The following WDFY4 variants were observed in gnomAD, a reference collection of about 807,000 sequenced individuals.
WDFY4 encodes the protein WD repeat- and FYVE domain-containing protein 4.
Under a neutral mutation model 351.9 loss-of-function variants are expected in WDFY4, and 169 were observed. The ratio of observed to expected loss-of-function variants is 0.48; its 90% CI spans 0.42 to 0.55. The LOEUF (loss-of-function observed/expected upper bound fraction) is 0.55, where lower values mean the gene tolerates loss of function less well. Among genes scored for constraint, WDFY4 ranks in the 20% least tolerant of loss-of-function variants. The pLI, the probability that WDFY4 is intolerant of heterozygous loss-of-function variation, is 0.00. For missense variants in WDFY4, 3,803 were observed against 3,935.6 expected (o/e 0.97, Z 0.90); for synonymous variants, 1,622 against 1,574.6 (o/e 1.03, Z -0.71).
At chr10:48,768,723 A>AGAGAGAGAGAGAGAGAGAG (rs1555000834) in intron 13 of WDFY4, among the ~76,000 whole-genome samples, 1 of 140,978 alleles carries the variant, frequency 7.1e-6, no homozygotes, top group African/African-American at 2.7e-5. Flanking sequence ...GGGAGAGGAG[A>AGAGAGAGAGAGAGAGAGAG]AGAGAGAGAG....
rs1442690639 is a variant in WDFY4, at chr10:48,822,845, G to T, written c.5982+308G>T. ...CTTTGGGTTTTTATTGTGATTGTTG[G>T]TTTGACCTTAATTGTTATTATACCT... On this transcript the variant is annotated intron_variant, in intron 35 of 61. Coordinates refer to ENST00000325239, the MANE Select transcript of WDFY4 (RefSeq NM_001394531.1). Among the ~76,000 whole-genome samples, 3 of 152,172 alleles carry T rather than the reference G, an allele frequency of 2.0e-5. No homozygotes were observed. In the East Asian group the frequency reaches 5.8e-4, roughly 29 times the overall value.
chr10:48,858,207 G>C (rs1212501316), intron 39 of WDFY4, among the ~76,000 whole-genome samples: 1 of 150,196 alleles, frequency 6.7e-6, no homozygotes, highest in Non-Finnish European at 1.5e-5. Flanking sequence ...TTGTTCTCAT[G>C]GTTTTGCAGA....
intron 1 of WDFY4, among the ~76,000 whole-genome samples, chr10:48,701,977 C>T (rs1412606906): frequency 6.6e-6 from 1 of 152,194 alleles, no homozygotes; most frequent in Non-Finnish European, 1.5e-5. Context: ...CTGGCTTTTC[C>T]ATTAATTCTC....
At chr10:48,939,146 A>G (rs1380092941) in intron 47 of WDFY4, among the ~76,000 whole-genome samples, 2 of 152,200 alleles carry the variant, frequency 1.3e-5, no homozygotes, top group African/African-American at 4.8e-5. Flanking sequence ...TTCTAAGGTC[A>G]CTCAGAGGGG....
chr10:48,783,430 C>T (rs1482558329), intron 19 of WDFY4, among the ~76,000 whole-genome samples: 1 of 151,504 alleles, frequency 6.6e-6, no homozygotes. Flanking sequence ...GATATGGAAC[C>T]CCCAGATATG....
chr10:48,889,099 G>A (rs761251368), intron 43 of WDFY4, among the ~76,000 whole-genome samples: 3 of 152,184 alleles, frequency 2.0e-5, no homozygotes, highest in Non-Finnish European at 4.4e-5. Flanking sequence ...GTCCACTTTG[G>A]ACTCTGGCCT....
intron 47 of WDFY4, chr10:48,913,237 C>A: frequency 1.4e-6 from 1 of 728,030 alleles, no homozygotes; most frequent in South Asian, 1.8e-5. Context: ...TCAACACAAT[C>A]ACACGCCGAG....
intron 24 of WDFY4, chr10:48,801,422 C>A (rs570385278): frequency 1.3e-5 from 6 of 444,972 alleles, no homozygotes; most frequent in Non-Finnish European, 2.7e-5. Flanking sequence ...CAGCCCTTAG[C>A]CCCAGGCCTG....
chr10:48,854,186 T>G (rs1173309238), intron 39 of WDFY4, among the ~76,000 whole-genome samples: 2 of 151,482 alleles, frequency 1.3e-5, no homozygotes, highest in East Asian at 3.9e-4. Context: ...CTCAGCTCAC[T>G]GCAACTCTAC....
intron 30 of WDFY4, 22 bp downstream of exon 30, chr10:48,811,730 A>C (rs1371611280): frequency 6.5e-7 from 1 of 1,548,548 alleles, no homozygotes; most frequent in Non-Finnish European, 8.7e-7. Flanking sequence ...GAGCACCCAC[A>C]GGGTGACACA....
intron 19 of WDFY4, among the ~76,000 whole-genome samples, chr10:48,783,262 A>C (rs183353910): frequency 8.0e-4 from 122 of 152,316 alleles, no homozygotes; most frequent in African/African-American, 2.8e-3. Context: ...TGCATGCTTA[A>C]CTAAGCTCTA....
intron 55 of WDFY4, chr10:48,968,063 C>T (rs759191768): frequency 6.6e-6 from 1 of 152,244 alleles, no homozygotes; most frequent in East Asian, 1.9e-4. Context: ...CAAGGGAGCT[C>T]AAATCTCCCA....
intron 31 of WDFY4, among the ~76,000 whole-genome samples, chr10:48,814,456 G>A (rs1342822955): frequency 6.6e-6 from 1 of 152,244 alleles, no homozygotes; most frequent in Non-Finnish European, 1.5e-5. Context: ...ACTTAGAGAA[G>A]GCAGATGGCC....
rs61733230 is a variant in WDFY4, at chr10:48,900,297, C to T, written c.7514C>T (p.Ala2505Val). The T allele has an allele frequency of 1.3e-6, 2 of 1,551,066 alleles. No individual in the cohort carries two copies. The highest frequency in any genetic ancestry group is 2.7e-5 in the African/African-American group (2 of 72,976). ...LVFYNNDRSK[A>V]FKSFCSFQPS... ...TTCTACAACAATGATCGGAGTAAGG[C>T]CTTTAAAAGGTAAGAGCTTGAAAAT... is the stretch of plus-strand genomic sequence containing the variant. The change falls in exon 46 of 62, where the codon GCC (alanine) becomes GTC (valine). Residue 2505 changes from alanine (A) to valine (V), a missense_variant. Ala to Val is a moderately conservative substitution (Grantham distance 64). Coordinates refer to ENST00000325239, the MANE Select transcript of WDFY4 (RefSeq NM_001394531.1).
chr10:48,915,417 AT>A (rs11413657), intron 47 of WDFY4, among the ~76,000 whole-genome samples: 144 of 147,760 alleles, frequency 9.7e-4, no homozygotes, highest in African/African-American at 2.8e-3. Context: ...CTGCTTGCTG[AT>A]TTTTTTTTTT....
At chr10:48,820,131 T>C in intron 32 of WDFY4, 103 bp from the exon 33 acceptor site, 1 of 1,307,364 alleles carries the variant, frequency 7.6e-7, no homozygotes, top group Non-Finnish European at 1.1e-6. Flanking sequence ...TCCGTACATG[T>C]CACTGGGCAT....
chr10:48,809,184 C>A lies in WDFY4; in HGVS notation c.4838+1226C>A, dbSNP rs548888717. Among the ~76,000 whole-genome samples, 61 of 148,790 alleles carry A rather than the reference C, an allele frequency of 4.1e-4. 1 individual carries two copies. The highest frequency in any genetic ancestry group is 1.5e-3 in the African/African-American group (58 of 39,536). On this transcript the variant is annotated intron_variant, in intron 28 of 61. Coordinates refer to ENST00000325239, the MANE Select transcript of WDFY4 (RefSeq NM_001394531.1). ...ATTACCACCACCATCATCACCATCACCATCATCACCATCACCATCACCACC... is the reference window on the plus strand; with the variant it reads ...ATTACCACCACCATCATCACCATCAACATCATCACCATCACCATCACCACC...
intron 56 of WDFY4, among the ~76,000 whole-genome samples, chr10:48,969,607 G>A (rs1246519041): frequency 6.6e-6 from 1 of 152,182 alleles, no homozygotes; most frequent in African/African-American, 2.4e-5. Flanking sequence ...CACATGTTGA[G>A]CATTTGGGGG....
chr10:48,746,119 G>T, intron 12 of WDFY4: 1 of 154,178 alleles, frequency 6.5e-6, no homozygotes. Flanking sequence ...ACTGGGACCT[G>T]CCCCTCCGCT....
Sources: allele counts gnomAD v4.1 joint callset (sites outside exome capture counted in the v4.1 genomes callset), GRCh38; gene constraint gnomAD v4.1.1; transcripts MANE v1.5; gene names NCBI Gene and HGNC (gene_info 2026-07-23, HGNC 2026-07-21).